The following SYNPR variants were observed in gnomAD, a reference collection of about 807,000 sequenced individuals.
SYNPR encodes synaptoporin.
In SYNPR, 23 loss-of-function variants were observed where a neutral mutation model predicts 32.9. The observed-to-expected ratio is 0.70, with a 90% confidence interval of 0.50 to 0.99. SYNPR has a LOEUF of 0.99. Among genes scored for constraint, SYNPR ranks in the 50% least tolerant of loss-of-function variants. The pLI is 0.00. For synonymous variants in SYNPR, 146 were observed against 135.9 expected (o/e 1.07, Z -0.52); for missense variants, 318 against 349.3 (o/e 0.91, Z 0.71).
At chr3:63,468,233 C>T (rs540225274) in intron 2 of SYNPR, among the ~76,000 whole-genome samples, 4 of 149,038 alleles carry the variant, frequency 2.7e-5, no homozygotes, top group East Asian at 2.0e-4. Context: ...ATAATCAAAA[C>T]GAGTCCATGA....
chr3:63,362,624 C>A (rs1406551287), intron 2 of SYNPR, among the ~76,000 whole-genome samples: 1 of 152,138 alleles, frequency 6.6e-6, no homozygotes, highest in Non-Finnish European at 1.5e-5. Flanking sequence ...AATTATATAG[C>A]AATGACTGTA....
chr3:63,208,537 A>T, the SYNPR span, among the ~76,000 whole-genome samples: 1 of 152,206 alleles, frequency 6.6e-6, no homozygotes. Context: ...TGGCATTTTT[A>T]AAAGTACTTT....
intron 2 of SYNPR, among the ~76,000 whole-genome samples, chr3:63,458,466 A>G (rs901471731): frequency 6.6e-6 from 1 of 152,218 alleles, no homozygotes; most frequent in African/African-American, 2.4e-5. Context: ...TAGAAAAATG[A>G]GGATAATTGG....
upstream of SYNPR, among the ~76,000 whole-genome samples, chr3:63,274,013 A>G (rs1398993494): frequency 6.6e-6 from 1 of 152,184 alleles, no homozygotes; most frequent in Non-Finnish European, 1.5e-5. Flanking sequence ...CAGGCATGCT[A>G]TTGGCCTTTG....
intron 5 of SYNPR, among the ~76,000 whole-genome samples, chr3:63,614,859 GT>G (rs1187491342): frequency 2.0e-5 from 3 of 152,172 alleles, no homozygotes; most frequent in African/African-American, 7.2e-5. Flanking sequence ...CTTAAGTAAG[GT>G]TTCCAGTTAT....
intron 2 of SYNPR, among the ~76,000 whole-genome samples, chr3:63,371,502 G>A (rs940172889): frequency 6.6e-6 from 1 of 152,218 alleles, no homozygotes; most frequent in Non-Finnish European, 1.5e-5. Flanking sequence ...TACTGCCTGG[G>A]CTTTCAGACC....
At chr3:63,324,328 T>C (rs970859835) in intron 2 of SYNPR, among the ~76,000 whole-genome samples, 1 of 150,792 alleles carries the variant, frequency 6.6e-6, no homozygotes, top group African/African-American at 2.4e-5. Context: ...TTACAATGTA[T>C]GGCTTCTCAA....
rs543514360 is a variant in SYNPR, at chr3:63,287,594, G to A, written c.84+8852G>A. ...AGTAAGGCCAACATCAGGGACATCG[G>A]CAATCTCCACCAAAACACCCAGGCA... On this transcript the variant is annotated intron_variant, in intron 2 of 5. Coordinates refer to ENST00000478300, the MANE Select transcript of SYNPR (RefSeq NM_001130003.2). Among the ~76,000 whole-genome samples the A allele has an allele frequency of 3.3e-5, 5 of 152,260 alleles. No homozygotes were observed. The South Asian group carries it at 8.3e-4, about 25-fold the overall frequency.
At chr3:63,434,265 G>C (rs1700041881) in intron 2 of SYNPR, among the ~76,000 whole-genome samples, 1 of 152,196 alleles carries the variant, frequency 6.6e-6, no homozygotes, top group Non-Finnish European at 1.5e-5. Context: ...AAGCCATTTT[G>C]TAAGTGTTTG....
At chr3:63,562,559 T>A (rs1702708563) in intron 4 of SYNPR, among the ~76,000 whole-genome samples, 1 of 152,194 alleles carries the variant, frequency 6.6e-6, no homozygotes. Context: ...AACAGTGGTA[T>A]CACGGCTCAC....
intron 2 of SYNPR, among the ~76,000 whole-genome samples, chr3:63,281,337 A>G (rs2086628554): frequency 6.6e-6 from 1 of 152,210 alleles, no homozygotes; most frequent in Non-Finnish European, 1.5e-5. Flanking sequence ...TAAACTTGAC[A>G]GTGTCTTTAA....
chr3:63,546,784 T>C (rs1029314709), intron 3 of SYNPR, among the ~76,000 whole-genome samples: 1 of 152,092 alleles, frequency 6.6e-6, no homozygotes, highest in Non-Finnish European at 1.5e-5. Flanking sequence ...CAAGGAGAAA[T>C]ACCTCTGTTA....
At chr3:63,452,152 G>A (rs1365827183) in intron 2 of SYNPR, 2 of 700,630 alleles carry the variant, frequency 2.9e-6, no homozygotes, top group Non-Finnish European at 5.2e-6. Context: ...TCATTCATTT[G>A]TTCGTATGTT....
At chr3:63,542,129 G>A (rs982766869) in intron 3 of SYNPR, among the ~76,000 whole-genome samples, 4 of 152,070 alleles carry the variant, frequency 2.6e-5, no homozygotes, top group Non-Finnish European at 5.9e-5. Flanking sequence ...TGTGCTGGGC[G>A]CTAGAGACAC....
chr3:63,441,884 C>G (rs944722962), intron 2 of SYNPR, among the ~76,000 whole-genome samples: 2 of 152,090 alleles, frequency 1.3e-5, no homozygotes, highest in Non-Finnish European at 2.9e-5. Flanking sequence ...CTGCCTTGCC[C>G]GTTGTTCATT....
intron 2 of SYNPR, among the ~76,000 whole-genome samples, chr3:63,364,583 G>A (rs1012128800): frequency 6.6e-6 from 1 of 152,214 alleles, no homozygotes; most frequent in Non-Finnish European, 1.5e-5. Flanking sequence ...AGAGGATAGA[G>A]TCAGTGAATT....
intron 2 of SYNPR, among the ~76,000 whole-genome samples, chr3:63,353,486 A>T (rs1169445234): frequency 6.6e-6 from 1 of 152,228 alleles, no homozygotes; most frequent in Non-Finnish European, 1.5e-5. Flanking sequence ...CTTTTGGGGC[A>T]TTCATGATGA....
intron 3 of SYNPR, among the ~76,000 whole-genome samples, chr3:63,484,281 A>G (rs186747380): frequency 6.6e-6 from 1 of 152,112 alleles, no homozygotes; most frequent in African/African-American, 2.4e-5. Context: ...CTATTACTTA[A>G]CTGTTTTCTC....
chr3:63,388,379 CTTTTTTTTTTTT>C (rs144044254), intron 2 of SYNPR, among the ~76,000 whole-genome samples: 2 of 83,642 alleles, frequency 2.4e-5, no homozygotes, highest in South Asian at 5.3e-4. Flanking sequence ...GTTTGGAGCT[CTTTTTTTTTTTT>C]TTTTTTTTTT....
Sources: allele counts gnomAD v4.1 joint callset (sites outside exome capture counted in the v4.1 genomes callset), GRCh38; gene constraint gnomAD v4.1.1; transcripts MANE v1.5; gene names NCBI Gene and HGNC (gene_info 2026-07-23, HGNC 2026-07-21).